ADAM2: variants seen among roughly 807,000 people sequenced by gnomAD.
The protein encoded by ADAM2 is ADAM metallopeptidase domain 2.
ADAM2 carries 101 observed loss-of-function variants against 99.3 expected under a neutral mutation model. That is an observed-to-expected ratio of 1.02 (90% CI 0.87 to 1.20). ADAM2 has a LOEUF of 1.20. ADAM2 is among the 50% of genes most tolerant of loss of function. The pLI, the probability that ADAM2 is intolerant of heterozygous loss-of-function variation, is 0.00. For missense variants in ADAM2, 948 were observed against 878.7 expected (o/e 1.08, Z -1.00); for synonymous variants, 323 against 287.6 (o/e 1.12, Z -1.25).
At chr8:39,811,251 C>T (rs1292467063) in intron 6 of ADAM2, among the ~76,000 whole-genome samples, 1 of 152,120 alleles carries the variant, frequency 6.6e-6, no homozygotes, top group Non-Finnish European at 1.5e-5. Context: ...GAAGTTGAAT[C>T]CCTGAATAGA....
chr8:39,835,074 C>T (rs955581371), intron 2 of ADAM2, among the ~76,000 whole-genome samples: 2 of 152,134 alleles, frequency 1.3e-5, no homozygotes, highest in Admixed American at 1.3e-4. Context: ...AATATGCTTA[C>T]GTTCTGAGGC....
chr8:39,809,138 C>T (rs1231976340), intron 7 of ADAM2, among the ~76,000 whole-genome samples: 2 of 151,860 alleles, frequency 1.3e-5, no homozygotes, highest in Non-Finnish European at 2.9e-5. Context: ...CAGTATAGTT[C>T]TAGAATACAT....
chr8:39,803,684 T>C (rs962677331), intron 7 of ADAM2, among the ~76,000 whole-genome samples: 4 of 152,194 alleles, frequency 2.6e-5, no homozygotes, highest in African/African-American at 9.7e-5. Flanking sequence ...TTTAGCATAA[T>C]TAATTTTGGG....
chr8:39,782,666 A>T (rs903811264), intron 10 of ADAM2, among the ~76,000 whole-genome samples: 7 of 152,148 alleles, frequency 4.6e-5, no homozygotes, highest in African/African-American at 1.7e-4. Flanking sequence ...TTGGTTGAGG[A>T]TAAGCCGTCT....
At chr8:39,748,744 C>A (rs973560154) in intron 18 of ADAM2, among the ~76,000 whole-genome samples, 4 of 152,130 alleles carry the variant, frequency 2.6e-5, no homozygotes, top group African/African-American at 9.7e-5. Context: ...TAAGTAATAT[C>A]TGGAGGATTC....
intron 14 of ADAM2, 85 bp downstream of exon 14, chr8:39,766,763 A>G (rs566751116): frequency 1.9e-5 from 19 of 984,558 alleles, no homozygotes; most frequent in South Asian, 1.7e-4. Context: ...TGACATTTTA[A>G]AAATCACAAT....
At chr8:39,773,901 A>G (rs1484779193) in intron 11 of ADAM2, among the ~76,000 whole-genome samples, 1 of 151,916 alleles carries the variant, frequency 6.6e-6, no homozygotes, top group Non-Finnish European at 1.5e-5. Flanking sequence ...AAAGATCTGT[A>G]TCACTCATTA....
At chr8:39,833,481 C>T (rs1359897152) in intron 3 of ADAM2, among the ~76,000 whole-genome samples, 1 of 151,876 alleles carries the variant, frequency 6.6e-6, no homozygotes, top group African/African-American at 2.4e-5. Context: ...CATCAACTGG[C>T]CTGAGATTGA....
intron 14 of ADAM2, among the ~76,000 whole-genome samples, chr8:39,764,270 C>T (rs1802478982): frequency 6.6e-6 from 1 of 152,070 alleles, no homozygotes; most frequent in Admixed American, 6.5e-5. Flanking sequence ...AAATAGTGGG[C>T]ATGGTGACAT....
intron 20 of ADAM2, among the ~76,000 whole-genome samples, chr8:39,744,342 G>C (rs1336021379): frequency 1.3e-5 from 2 of 151,850 alleles, no homozygotes; most frequent in Non-Finnish European, 2.9e-5. Context: ...CCGAAAAATA[G>C]TCTCCAATTT....
intron 4 of ADAM2, among the ~76,000 whole-genome samples, chr8:39,823,438 C>T (rs1225535791): frequency 1.3e-5 from 2 of 152,074 alleles, no homozygotes; most frequent in Admixed American, 1.3e-4. Flanking sequence ...ATTTTCAAGG[C>T]AGCATGTTTT....
At position 39,749,514 on chromosome 8, in the gene ADAM2, A is replaced by G. The variant is rs1823623470; in HGVS notation, c.1876-64T>C. ...CTAGATTTATATATGTTCAAGTAGA[A>G]TTATAAAATAATATGTAGGTCAGCT... is the stretch of plus-strand genomic sequence containing the variant. On this transcript the variant is annotated intron_variant, in intron 17 of 20. Transcript: ENST00000265708. The G allele has an allele frequency of 1.7e-5, 26 of 1,548,318 alleles. No individual in the cohort carries two copies. In the South Asian group the frequency reaches 2.7e-4, roughly 16 times the overall value.
chr8:39,831,467 T>C lies in ADAM2; in HGVS notation c.188+2477A>G, dbSNP rs921825759. Among the ~76,000 whole-genome samples the C allele has an allele frequency of 1.9e-4, 29 of 152,166 alleles. 1 individual carries two copies. The highest frequency in any genetic ancestry group is 2.1e-4 in the Non-Finnish European group (14 of 68,012). On this transcript the variant is annotated intron_variant, in intron 3 of 20. Transcript: ENST00000265708. ...AAGTTCACTCAAACGAGCTCATCAATGATAGTTCCAAACATATGGAAAAGT... is the reference window on the plus strand; with the variant it reads ...AAGTTCACTCAAACGAGCTCATCAACGATAGTTCCAAACATATGGAAAAGT...
At chr8:39,772,108 GTAAAAA>G (rs925832165) in intron 11 of ADAM2, among the ~76,000 whole-genome samples, 15 of 128,394 alleles carry the variant, frequency 1.2e-4, no homozygotes, top group African/African-American at 4.8e-4. Context: ...AGAGAGAACG[GTAAAAA>G]AAAAAAAAAA....
chr8:39,784,892 T>G (rs1413562438), intron 10 of ADAM2, among the ~76,000 whole-genome samples: 1 of 152,234 alleles, frequency 6.6e-6, no homozygotes. Context: ...CATTTTTTAA[T>G]GGGGTTGTTT....
chr8:39,801,258 T>C (rs1331234573), intron 7 of ADAM2, among the ~76,000 whole-genome samples: 6 of 152,170 alleles, frequency 3.9e-5, no homozygotes, highest in South Asian at 2.1e-4. Context: ...TTTCTTTCAA[T>C]AGTCAGGTCC....
In ADAM2 at chr8:39,837,183, C is replaced by T. The variant is rs761698617; in HGVS notation, c.85G>A (p.Val29Ile). 1 of 1,610,414 alleles carries T rather than the reference C, an allele frequency of 6.2e-7. No individual in the cohort carries two copies. Among genetic ancestry groups the T allele is most frequent in the Non-Finnish European group, 8.5e-7 (1 of 1,177,636 alleles). Reference sequence around the variant, plus strand: ...ATTATTGACCGTATTTTCTCCGGAACTGTAATTTGCACAGGTAAACTATCA... The same window carrying T: ...ATTATTGACCGTATTTTCTCCGGAATTGTAATTTGCACAGGTAAACTATCA... The part of the protein sequence containing the change: ...NFDSLPVQIT[V>I]PEKIRSIIKE... Residue 29 changes from valine (V) to isoleucine (I), a missense_variant, in exon 2 of 21, where the codon GTT (valine) becomes ATT (isoleucine). Coordinates refer to ENST00000265708, the MANE Select transcript of ADAM2 (RefSeq NM_001464.5).
intron 7 of ADAM2, among the ~76,000 whole-genome samples, chr8:39,808,115 C>T (rs1374837398): frequency 6.6e-6 from 1 of 151,400 alleles, no homozygotes; most frequent in Admixed American, 6.6e-5. Flanking sequence ...AATAAAAAGG[C>T]TTCACATTGG....
intron 7 of ADAM2, among the ~76,000 whole-genome samples, chr8:39,801,911 G>A (rs773139010): frequency 2.6e-5 from 4 of 152,086 alleles, no homozygotes; most frequent in South Asian, 2.1e-4. Flanking sequence ...AATGGGTGCC[G>A]CCCTTCCCCC....
Sources: allele counts gnomAD v4.1 joint callset (sites outside exome capture counted in the v4.1 genomes callset), GRCh38; gene constraint gnomAD v4.1.1; transcripts MANE v1.5; gene names NCBI Gene and HGNC (gene_info 2026-07-23, HGNC 2026-07-21).